Variants in BTG4 observed in about 807,000 individuals in gnomAD.
BTG4 encodes the protein BTG anti-proliferation factor 4.
A neutral mutation model predicts 19.3 loss-of-function variants in BTG4; 10 were observed. That is an observed-to-expected ratio of 0.52 (90% CI 0.32 to 0.88). The LOEUF (loss-of-function observed/expected upper bound fraction) is 0.88. Among genes scored for constraint, BTG4 ranks in the 40% least tolerant of loss-of-function variants. BTG4 has a pLI of 0.04. For synonymous variants in BTG4, 91 were observed against 95.7 expected, an observed-to-expected ratio of 0.95 and a Z score of 0.29; for missense variants, 238 against 281.9, an observed-to-expected ratio of 0.84 and a Z score of 1.11.
the BTG4 span, among the ~76,000 whole-genome samples, chr11:111,412,789 C>A: frequency 6.6e-6 from 1 of 152,150 alleles, no homozygotes; most frequent in African/African-American, 2.4e-5. Flanking sequence ...TCTGTAAGAA[C>A]CAAGTCATAA....
the BTG4 span, chr11:111,416,629 G>C: frequency 8.1e-6 from 1 of 123,744 alleles, no homozygotes; most frequent in Non-Finnish European, 1.8e-5. Flanking sequence ...CGTCTGTCCT[G>C]GGTGGGCCAA....
chr11:111,451,771 A>T, the BTG4 span, among the ~76,000 whole-genome samples: 4 of 152,202 alleles, frequency 2.6e-5, no homozygotes, highest in Non-Finnish European at 2.9e-5. Flanking sequence ...TCTCAAAAAA[A>T]AAATAAATAC....
chr11:111,453,779 C>G, the BTG4 span, among the ~76,000 whole-genome samples: 6 of 152,190 alleles, frequency 3.9e-5, no homozygotes, highest in South Asian at 1.2e-3. Context: ...CAATATAGAG[C>G]AGGAAAGAGA....
chr11:111,402,934 C>A, the BTG4 span, among the ~76,000 whole-genome samples: 3 of 152,218 alleles, frequency 2.0e-5, no homozygotes, highest in African/African-American at 7.2e-5. Flanking sequence ...TTTGTGTTGA[C>A]TTGGTGAAGA....
downstream of BTG4, chr11:111,467,384 A>G (rs776291951): frequency 3.0e-6 from 1 of 333,568 alleles, no homozygotes; most frequent in Non-Finnish European, 5.4e-6. Context: ...AATATTAAAT[A>G]TGCAGTTACT....
At chr11:111,445,077 C>T in the BTG4 span, among the ~76,000 whole-genome samples, 1 of 152,216 alleles carries the variant, frequency 6.6e-6, no homozygotes, top group African/African-American at 2.4e-5. Flanking sequence ...CGGCTACCCT[C>T]ATGGTACCGT....
rs1348779228 is a variant in BTG4 at position 111,497,484 on chromosome 11, A to G, written c.312-75T>C. The G allele has an allele frequency of 4.1e-6, 4 of 974,716 alleles. No individual in the cohort carries two copies. In the African/African-American group the frequency reaches 6.7e-5, roughly 16 times the overall value. 60.4% of individuals were successfully genotyped at this position (974,716 alleles called of 1,614,324 possible). A position where few individuals can be genotyped will look rare whatever the true frequency, so the allele number is the denominator to read the frequency against. ...AAGATCTCCAATCTTTCCTGGAGAC[A>G]ATATGCTAACTTATTTTAAAAGAAA... On this transcript the variant is annotated intron_variant, in intron 3 of 4. Coordinates refer to ENST00000692032, the MANE Select transcript of BTG4 (RefSeq NM_001367975.1).
At chr11:111,407,008 G>A in the BTG4 span, among the ~76,000 whole-genome samples, 1 of 152,002 alleles carries the variant, frequency 6.6e-6, no homozygotes, top group East Asian at 1.9e-4. Context: ...AGAAAATTTG[G>A]ATAACAATCA....
chr11:111,430,165 G>A, the BTG4 span, among the ~76,000 whole-genome samples: 3 of 152,180 alleles, frequency 2.0e-5, no homozygotes, highest in African/African-American at 4.8e-5. Flanking sequence ...ACAGCCTCAG[G>A]AAGTCCTGAC....
chr11:111,396,255 A>G, the BTG4 span, among the ~76,000 whole-genome samples: 9 of 152,226 alleles, frequency 5.9e-5, no homozygotes, highest in Non-Finnish European at 1.2e-4. Context: ...TGTAACTTGT[A>G]AACTGCCTTG....
chr11:111,483,675 ACAGT>A (rs1864877712), intron 5 of BTG4, among the ~76,000 whole-genome samples: 1 of 152,304 alleles, frequency 6.6e-6, no homozygotes, highest in South Asian at 2.1e-4. Context: ...ATGAAAACAG[ACAGT>A]CAGAGAAGAG....
intron 5 of BTG4, chr11:111,469,231 T>A (rs1013177082): frequency 1.3e-5 from 2 of 152,212 alleles, no homozygotes; most frequent in Admixed American, 1.3e-4. Flanking sequence ...TGGGAGAGAA[T>A]GTTTGGCCTC....
At chr11:111,444,565 A>C in the BTG4 span, among the ~76,000 whole-genome samples, 1 of 152,144 alleles carries the variant, frequency 6.6e-6, no homozygotes, top group Non-Finnish European at 1.5e-5. Context: ...TATAGTCGAT[A>C]ATAACTTCAT....
At chr11:111,472,872 G>C (rs1190789483) in intron 5 of BTG4, among the ~76,000 whole-genome samples, 3 of 152,070 alleles carry the variant, frequency 2.0e-5, no homozygotes, top group Non-Finnish European at 4.4e-5. Flanking sequence ...GATTTATATG[G>C]GCCCTGATGC....
the BTG4 span, among the ~76,000 whole-genome samples, chr11:111,443,093 G>A: frequency 3.3e-5 from 5 of 152,308 alleles, no homozygotes; most frequent in East Asian, 3.9e-4. Context: ...TTCATACAAC[G>A]TGATGAAAAT....
chr11:111,418,124 A>C, the BTG4 span: 4 of 152,186 alleles, frequency 2.6e-5, no homozygotes. Flanking sequence ...TTAGTTGTTC[A>C]TGAGTGATTT....
At chr11:111,406,842 C>T in the BTG4 span, among the ~76,000 whole-genome samples, 7 of 152,182 alleles carry the variant, frequency 4.6e-5, no homozygotes, top group African/African-American at 1.7e-4. Flanking sequence ...AGGCAGTGCA[C>T]CTCATAAAAC....
downstream of BTG4, among the ~76,000 whole-genome samples, chr11:111,489,849 G>A (rs1865306346): frequency 6.6e-6 from 1 of 152,106 alleles, no homozygotes; most frequent in Non-Finnish European, 1.5e-5. Flanking sequence ...AAGCCGGGAA[G>A]GGTAGCAGGG....
the BTG4 span, among the ~76,000 whole-genome samples, chr11:111,401,211 G>A: frequency 1.3e-5 from 2 of 152,114 alleles, no homozygotes; most frequent in East Asian, 3.8e-4. Context: ...CTGGGGCCAG[G>A]CGCAGTGGCT....
Sources: allele counts gnomAD v4.1 joint callset (sites outside exome capture counted in the v4.1 genomes callset), GRCh38; gene constraint gnomAD v4.1.1; transcripts MANE v1.5; gene names NCBI Gene and HGNC (gene_info 2026-07-23, HGNC 2026-07-21).